The following RPS2 variants were observed in gnomAD, a reference collection of about 807,000 sequenced individuals.
The protein encoded by RPS2 is small ribosomal subunit protein uS5.
Under a neutral mutation model 25.3 loss-of-function variants are expected in RPS2, and 8 were observed. The ratio of observed to expected loss-of-function variants is 0.32; its 90% CI spans 0.19 to 0.57. The LOEUF is 0.57. Ranked by LOEUF, RPS2 falls within the 20% of genes least tolerant of loss-of-function variation. RPS2 has a pLI of 0.90. For missense variants in RPS2, 229 were observed against 408.1 expected, an observed-to-expected ratio of 0.56 and a Z score of 3.78; for synonymous variants, 181 against 161.3, an observed-to-expected ratio of 1.12 and a Z score of -0.92.
chr16:1,963,136 G>A lies in RPS2; in HGVS notation c.375+13C>T, dbSNP rs556838624. On this transcript the variant is annotated intron_variant, in intron 4 of 6. Transcript: ENST00000343262. ...GCAAGCCCAGCGCAGCCCCCTCCAG[G>A]ACAGCCGGGTACCTTGAACCTGGTG... is the stretch of plus-strand genomic sequence containing the variant. 2.5e-6 allele frequency: 4 copies of A among 1,601,734 alleles called. No homozygotes were observed. The South Asian group carries it at 4.4e-5, about 18-fold the overall frequency.
chr16:1,962,345 T>G (rs777008858), intron 6 of RPS2, 75 bp from the exon 7 acceptor site: 1 of 1,447,846 alleles, frequency 6.9e-7, no homozygotes, highest in South Asian at 1.1e-5. Context: ...ATTGTCGCAC[T>G]CCTAGGAACA....
intron 1 of RPS2, 54 bp from the exon 2 acceptor site, chr16:1,964,682 C>A (rs1403493092): frequency 2.0e-6 from 2 of 993,064 alleles, no homozygotes; most frequent in East Asian, 5.4e-5. Flanking sequence ...ATCTGGCAGC[C>A]CCCCGCGAGA....
rs867004141 is a variant in RPS2 at position 1,964,723 on chromosome 16, G to A, written c.-4+84C>T. 79 of 708,130 alleles carry A rather than the reference G, an allele frequency of 1.1e-4. 1 individual carries two copies. In the South Asian group the frequency reaches 1.4e-3, roughly 12 times the overall value. The allele number at this position is 708,130 out of a possible 1,614,324, so 43.9% of individuals were successfully genotyped here. A position where few individuals can be genotyped will look rare whatever the true frequency, so the allele number is the denominator to read the frequency against. ...ACAAGGGCTCCCGCCCAGGAGCGCG[G>A]ACTCGGGAGCCTAGACCCGACCCGA... is the stretch of plus-strand genomic sequence containing the variant. On this transcript the variant is annotated intron_variant, in intron 1 of 6. Transcript: ENST00000343262.
chr16:1,964,007 C>T, intron 3 of RPS2: 1 of 493,566 alleles, frequency 2.0e-6, no homozygotes, highest in Non-Finnish European at 3.7e-6. Flanking sequence ...ATGAACCAAG[C>T]GCTGCTTCTC....
At chr16:1,963,408 G>C (rs1449828553) in intron 3 of RPS2, 152 bp from the exon 4 acceptor site, 2 of 595,802 alleles carry the variant, frequency 3.4e-6, no homozygotes, top group Non-Finnish European at 6.1e-6. Context: ...ACAAGGTCAG[G>C]AGTCCGATAC....
At chr16:1,962,712 G>A (rs1198477817) in intron 5 of RPS2, 24 bp downstream of exon 5, 2 of 1,591,038 alleles carry the variant, frequency 1.3e-6, no homozygotes, top group Admixed American at 1.8e-5. Context: ...CCCACGGCAG[G>A]CCCATCACCT....
intron 6 of RPS2, 89 bp downstream of exon 6, chr16:1,962,408 T>C: frequency 1.4e-6 from 2 of 1,418,046 alleles, no homozygotes; most frequent in Non-Finnish European, 2.0e-6. Context: ...TTTCTCTGCC[T>C]CCCTGAAAAC....
rs759772914 is a variant in RPS2 at position 1,962,284 on chromosome 16, G to C, written c.710-14C>G. ...AGGTGGCCTTGGCTGCAAAACAAAA[G>C]AACCCCAGGAGGGTCAGTGGTGTGC... On this transcript the variant is annotated splice_polypyrimidine_tract_variant and intron_variant, in intron 6 of 6. Transcript: ENST00000343262. The C allele has an allele frequency of 6.2e-7, 1 of 1,611,862 alleles. No individual in the cohort carries two copies. Among genetic ancestry groups the C allele is most frequent in the African/African-American group, 1.3e-5 (1 of 74,868 alleles).
chr16:1,964,388 T>C, intron 2 of RPS2, 23 bp from the exon 3 acceptor site: 1 of 1,613,244 alleles, frequency 6.2e-7, no homozygotes, highest in Non-Finnish European at 8.5e-7. Context: ...AAGGCGCCAG[T>C]GACCAGGACC....
intron 3 of RPS2, chr16:1,963,658 T>A (rs1304646496): frequency 2.9e-6 from 1 of 343,564 alleles, no homozygotes; most frequent in Admixed American, 3.8e-5. Flanking sequence ...CTCACCTGGC[T>A]TCCCCCCGAT....
intron 6 of RPS2, 45 bp from the exon 7 acceptor site, chr16:1,962,315 G>C (rs750058201): frequency 6.3e-7 from 1 of 1,575,040 alleles, no homozygotes; most frequent in East Asian, 2.2e-5. Flanking sequence ...TGTGCTTGAG[G>C]CAAGTCCCCC....
intron 3 of RPS2, 21 bp downstream of exon 3, chr16:1,964,255 G>GC (rs1953752930): frequency 6.3e-7 from 1 of 1,589,032 alleles, no homozygotes; most frequent in Non-Finnish European, 8.6e-7. Flanking sequence ...CTTGCTCAAC[G>GC]CCCCAACGAC....
intron 3 of RPS2, 165 bp downstream of exon 3, chr16:1,964,111 C>T (rs1201512564): frequency 1.6e-6 from 1 of 619,922 alleles, no homozygotes; most frequent in South Asian, 2.0e-5. Context: ...TCCATCCAAC[C>T]TCTAAGTGGA....
In RPS2 at chr16:1,962,166, G is replaced by A. The variant is rs2083262019; in HGVS notation, c.814C>T (p.His272Tyr). The change falls in exon 7 of 7, where the codon CAC becomes TAC. Residue 272 changes from histidine (H) to tyrosine (Y), a missense_variant. By Grantham distance (83) the His-to-Tyr change is moderately conservative. Transcript: ENST00000343262. ...ACTCTGGTGTGGGTCTTGACGAGGT[G>A]GTCAGTGAACTCCTGATAGGGAGAC... ...TKSPYQEFTD[H>Y]LVKTHTRVSV... The A allele has an allele frequency of 1.9e-6, 3 of 1,598,142 alleles. No individual in the cohort carries two copies. The highest frequency in any genetic ancestry group is 1.3e-5 in the African/African-American group (1 of 74,496).
chr16:1,963,357 C>T, intron 3 of RPS2, 101 bp from the exon 4 acceptor site: 1 of 723,908 alleles, frequency 1.4e-6, no homozygotes, highest in Non-Finnish European at 2.3e-6. Context: ...GTGGCTCAAG[C>T]CTGTAATCCC....
rs542104281 is a variant in RPS2 at position 1,964,809 on chromosome 16, G to C, written c.-6C>G. The C allele has an allele frequency of 1.1e-5, 6 of 539,114 alleles. No homozygotes were observed. Among genetic ancestry groups the C allele is most frequent in the South Asian group, 1.0e-4 (4 of 39,116 alleles). 33.4% of individuals were successfully genotyped at this position (539,114 alleles called of 1,614,324 possible). On this transcript the variant is annotated splice_region_variant and 5_prime_UTR_variant, in exon 1 of 7. Transcript: ENST00000343262. Reference sequence around the variant, plus strand: ...CTGCAGCGACCAACAGGACTCACGTGTTTTGTCGGAAAAGAAGAACGAGAC... The same window carrying C: ...CTGCAGCGACCAACAGGACTCACGTCTTTTGTCGGAAAAGAAGAACGAGAC...
chr16:1,963,327 C>T, intron 3 of RPS2, 71 bp from the exon 4 acceptor site: 1 of 1,029,122 alleles, frequency 9.7e-7, no homozygotes, highest in Admixed American at 2.5e-5. Flanking sequence ...ATTCAAGAAC[C>T]AAAGTCACGG....
At chr16:1,964,104 A>G in intron 3 of RPS2, 172 bp downstream of exon 3, 1 of 610,718 alleles carries the variant, frequency 1.6e-6, no homozygotes, top group Non-Finnish European at 2.9e-6. Context: ...TCAGGTATCC[A>G]TCCAACCTCT....
chr16:1,962,167 G>A lies in RPS2; in HGVS notation c.813C>T (p.Asp271=), dbSNP rs1318105943. The change falls in exon 7 of 7, where the codon GAC becomes GAT. Residue 271 remains aspartate (D), a synonymous_variant. Coordinates refer to ENST00000343262, the MANE Select transcript of RPS2 (RefSeq NM_002952.4). ...FTKSPYQEFT[D]HLVKTHTRVS... ...CTCTGGTGTGGGTCTTGACGAGGTG[G>A]TCAGTGAACTCCTGATAGGGAGACT... 2.5e-6 allele frequency: 4 copies of A among 1,598,328 alleles called. No homozygotes were observed. Among genetic ancestry groups the A allele is most frequent in the African/African-American group, 2.7e-5 (2 of 74,420 alleles).
Sources: allele counts gnomAD v4.1 joint callset, GRCh38; gene constraint gnomAD v4.1.1; transcripts MANE v1.5; gene names NCBI Gene and HGNC (gene_info 2026-07-23, HGNC 2026-07-21).